LYRM4: variants seen among roughly 807,000 people sequenced by gnomAD.
LYRM4 encodes LYR motif-containing protein 4.
LYRM4 carries 9 observed loss-of-function variants against 11.7 expected under a neutral mutation model. That is an observed-to-expected ratio of 0.77 (90% CI 0.46 to 1.34). The LOEUF (loss-of-function observed/expected upper bound fraction) is 1.34, where lower values mean the gene tolerates loss of function less well. LYRM4 is among the 40% of genes most tolerant of loss of function. LYRM4 has a pLI of 0.00. For synonymous variants in LYRM4, 42 were observed against 40.4 expected (o/e 1.04, Z -0.15); for missense variants, 133 against 112.5 (o/e 1.18, Z -0.82).
intron 2 of LYRM4, among the ~76,000 whole-genome samples, chr6:5,109,974 C>T (rs1029856672): frequency 2.1e-4 from 32 of 152,200 alleles, no homozygotes; most frequent in African/African-American, 6.8e-4. Context: ...CGGGTGGGGT[C>T]GAGGGCAGTT....
the LYRM4 span, among the ~76,000 whole-genome samples, chr6:5,050,660 CA>C: frequency 1.3e-5 from 2 of 151,822 alleles, no homozygotes; most frequent in African/African-American, 4.8e-5. Context: ...GGTGCAGGCT[CA>C]AAAAAAGATC....
chr6:5,188,094 A>T (rs995214041), intron 2 of LYRM4, among the ~76,000 whole-genome samples: 9 of 152,190 alleles, frequency 5.9e-5, no homozygotes, highest in African/African-American at 1.9e-4. Flanking sequence ...CACACCTGTA[A>T]TCCCAACACT....
intron 2 of LYRM4, among the ~76,000 whole-genome samples, chr6:5,131,169 T>C (rs530300477): frequency 3.5e-4 from 54 of 152,280 alleles, no homozygotes; most frequent in African/African-American, 1.3e-3. Flanking sequence ...ACCTTCAAAC[T>C]AAATAATGAG....
chr6:5,172,432 A>G (rs1270285396), intron 2 of LYRM4, among the ~76,000 whole-genome samples: 2 of 152,152 alleles, frequency 1.3e-5, no homozygotes, highest in African/African-American at 4.8e-5. Context: ...CAGTTTCACG[A>G]GCACCTCCCT....
At chr6:5,170,503 T>G (rs113301308) in intron 2 of LYRM4, among the ~76,000 whole-genome samples, 1 of 125,582 alleles carries the variant, frequency 8.0e-6, no homozygotes, top group Non-Finnish European at 1.7e-5. Context: ...TATTTATTTA[T>G]TTATTTAATA....
chr6:5,081,635 T>G, the LYRM4 span, among the ~76,000 whole-genome samples: 1 of 152,244 alleles, frequency 6.6e-6, no homozygotes, highest in African/African-American at 2.4e-5. Context: ...AAAATAGACA[T>G]TTGGTCTTTG....
intron 2 of LYRM4, among the ~76,000 whole-genome samples, chr6:5,162,468 C>T (rs1038253701): frequency 2.7e-5 from 4 of 149,096 alleles, no homozygotes; most frequent in Admixed American, 2.0e-4. Flanking sequence ...GTGATGTCTA[C>T]AGCTCAGAGA....
intron 2 of LYRM4, among the ~76,000 whole-genome samples, chr6:5,149,887 C>T (rs2746234): frequency 0.026 from 3,939 of 152,292 alleles, 69 homozygotes; most frequent in Middle Eastern, 0.082. Context: ...CATGGTACTA[C>T]GTTTGTTACA....
At chr6:5,096,507 CCAA>C in the LYRM4 span, among the ~76,000 whole-genome samples, 614 of 152,154 alleles carry the variant, frequency 4.0e-3, 3 homozygotes, top group African/African-American at 0.014. Flanking sequence ...ACACAAAAAT[CCAA>C]CCCTACCACT....
rs114143917 is a variant in LYRM4 at position 5,168,717 on chromosome 6, G to A, written c.207+47901C>T. On this transcript the variant is annotated intron_variant, in intron 2 of 2. Coordinates refer to ENST00000330636, the MANE Select transcript of LYRM4 (RefSeq NM_020408.6). ...AAATTTGTATTGGATTGTATTTTCC[G>A]GCAATGGATAGTATTACTGCATCAT... Among the ~76,000 whole-genome samples, 1,053 of 152,230 alleles carry A rather than the reference G, an allele frequency of 6.9e-3. 10 individuals carry two copies. The highest frequency in any genetic ancestry group is 0.024 in the African/African-American group (1,001 of 41,516).
At chr6:5,098,307 G>A in the LYRM4 span, among the ~76,000 whole-genome samples, 3 of 152,232 alleles carry the variant, frequency 2.0e-5, no homozygotes, top group Admixed American at 6.5e-5. Flanking sequence ...GGCAGGCCCA[G>A]CAGGCACGTG....
chr6:5,043,590 C>T, the LYRM4 span: 3 of 152,164 alleles, frequency 2.0e-5, no homozygotes, highest in South Asian at 6.2e-4. Context: ...AATATCTGTC[C>T]TACATGCATA....
At chr6:5,139,477 G>A (rs563079610) in intron 2 of LYRM4, among the ~76,000 whole-genome samples, 1 of 152,352 alleles carries the variant, frequency 6.6e-6, no homozygotes, top group East Asian at 1.9e-4. Flanking sequence ...TAAAACAGTA[G>A]CACTTGACTG....
chr6:5,088,585 C>G, the LYRM4 span: 1 of 152,176 alleles, frequency 6.6e-6, no homozygotes, highest in East Asian at 1.9e-4. Context: ...CAGCAGAGAC[C>G]AGATGGCAAA....
the LYRM4 span, among the ~76,000 whole-genome samples, chr6:5,049,156 A>C: frequency 9.2e-5 from 14 of 152,230 alleles, no homozygotes; most frequent in East Asian, 2.7e-3. Context: ...CAGACCTGGT[A>C]TTGGTCAGGA....
intron 2 of LYRM4, among the ~76,000 whole-genome samples, chr6:5,117,148 T>A (rs375238101): frequency 2.0e-5 from 3 of 152,158 alleles, no homozygotes; most frequent in African/African-American, 7.2e-5. Context: ...CCCAAACATA[T>A]GAAATGTCCT....
At chr6:5,089,936 T>A in the LYRM4 span, among the ~76,000 whole-genome samples, 1 of 152,118 alleles carries the variant, frequency 6.6e-6, no homozygotes, top group Non-Finnish European at 1.5e-5. Flanking sequence ...GTTTTCTTTG[T>A]TTTTGAAAAG....
chr6:5,184,083 T>A lies in LYRM4; in HGVS notation c.207+32535A>T, dbSNP rs565511846. On this transcript the variant is annotated intron_variant, in intron 2 of 2. Transcript: ENST00000330636. ...AGTAAGAACCAAAAGTCATACTTTT[T>A]TTTTCTTGTGTATCAAAGCTTTTAT... Among the ~76,000 whole-genome samples the A allele has an allele frequency of 9.2e-5, 14 of 152,342 alleles. No individual in the cohort carries two copies. In the South Asian group the frequency reaches 2.9e-3, roughly 32 times the overall value.
intron 2 of LYRM4, among the ~76,000 whole-genome samples, chr6:5,185,850 C>G (rs1234161659): frequency 6.6e-6 from 1 of 151,920 alleles, no homozygotes; most frequent in Non-Finnish European, 1.5e-5. Flanking sequence ...ATAATGAAAG[C>G]TTGGGCAGTG....
Sources: allele counts gnomAD v4.1 joint callset (sites outside exome capture counted in the v4.1 genomes callset), GRCh38; gene constraint gnomAD v4.1.1; transcripts MANE v1.5; gene names NCBI Gene and HGNC (gene_info 2026-07-23, HGNC 2026-07-21).